TSPEAR: variants seen among roughly 807,000 people sequenced by gnomAD.
The protein encoded by TSPEAR is thrombospondin type laminin G domain and EAR repeats.
A neutral mutation model predicts 71.6 loss-of-function variants in TSPEAR; 69 were observed. The ratio of observed to expected loss-of-function variants is 0.96; its 90% CI spans 0.79 to 1.18. The LOEUF is 1.18. Ranked by LOEUF, TSPEAR falls within the 50% of genes most tolerant of loss-of-function variation. The pLI, the probability that TSPEAR is intolerant of heterozygous loss-of-function variation, is 0.00. For synonymous variants in TSPEAR, 402 were observed against 387.2 expected (o/e 1.04, Z -0.45); for missense variants, 971 against 894.9 (o/e 1.09, Z -1.09).
At chr21:44,517,076 T>G (rs975362311) in intron 9 of TSPEAR, 2 of 152,458 alleles carry the variant, frequency 1.3e-5, no homozygotes, top group African/African-American at 4.8e-5. Flanking sequence ...TGTGCTTCTG[T>G]CACTCCTTCA....
At chr21:44,697,561 T>C (rs1555950877) in intron 1 of TSPEAR, 3 of 1,613,762 alleles carry the variant, frequency 1.9e-6, no homozygotes, top group Admixed American at 3.3e-5. Context: ...CTGTGTGCTG[T>C]ATGCCCGTCT....
chr21:44,649,770 G>C (rs781957790), intron 1 of TSPEAR, among the ~76,000 whole-genome samples: 7 of 152,196 alleles, frequency 4.6e-5, no homozygotes, highest in African/African-American at 7.2e-5. Flanking sequence ...GGCTTGGGCT[G>C]TGTCCTGAAG....
In TSPEAR at chr21:44,522,112, C is replaced by T; in HGVS notation, c.1337G>A (p.Gly446Asp). The change falls in exon 9 of 12, where the codon GGC becomes GAC. Residue 446 changes from glycine (G) to aspartate (D), a missense_variant and splice_region_variant. Gly to Asp is a moderately conservative substitution (Grantham distance 94). Transcript: ENST00000323084. ...GACACTGTCGATGTTGTGGTTGTCG[C>T]CTGGAACCAAGGGACTGTGCTGGGG... Reference protein sequence around the residue: ...HFLAVANHREGDNHNIDSVIY... With the variant: ...HFLAVANHREDDNHNIDSVIY... The T allele has an allele frequency of 1.2e-6, 2 of 1,613,936 alleles. No homozygotes were observed. Among genetic ancestry groups the T allele is most frequent in the Non-Finnish European group, 1.7e-6 (2 of 1,179,946 alleles).
At position 44,634,348 on chromosome 21, in the gene TSPEAR, G is replaced by T. The variant is rs57208611; in HGVS notation, c.83-66343C>A. Among the ~76,000 whole-genome samples the T allele has an allele frequency of 8.6e-3, 1,305 of 152,228 alleles. 17 individuals carry two copies. Among genetic ancestry groups the T allele is most frequent in the African/African-American group, 0.03 (1,238 of 41,526 alleles). ...ACAAATTAACTAAAAATGGATCAAAGCCCTACATATATGAGATAAAGCCAT... is the reference window on the plus strand; with the variant it reads ...ACAAATTAACTAAAAATGGATCAAATCCCTACATATATGAGATAAAGCCAT... On this transcript the variant is annotated intron_variant, in intron 1 of 11. Coordinates refer to ENST00000323084, the MANE Select transcript of TSPEAR (RefSeq NM_144991.3).
rs781919087 is a variant in TSPEAR at position 44,521,946 on chromosome 21, G to A, written c.1503C>T (p.Thr501=). ...VVANTFNGTS[T]KVHSHLYIRL... Reference sequence around the variant, plus strand: ...GGATGTAGAGGTGCGAGTGCACCTTGGTGGAGGTGCCGTTGAAGGTGTTGG... The same window carrying A: ...GGATGTAGAGGTGCGAGTGCACCTTAGTGGAGGTGCCGTTGAAGGTGTTGG... Residue 501 remains threonine, a synonymous_variant, in exon 9 of 12, where the codon ACC becomes ACT. Coordinates refer to ENST00000323084, the MANE Select transcript of TSPEAR (RefSeq NM_144991.3). The A allele has an allele frequency of 3.1e-6, 5 of 1,614,144 alleles. No individual in the cohort carries two copies. The highest frequency in any genetic ancestry group is 4.2e-6 in the Non-Finnish European group (5 of 1,180,026).
chr21:44,514,858 C>T (rs2052509336), intron 9 of TSPEAR, among the ~76,000 whole-genome samples: 1 of 152,204 alleles, frequency 6.6e-6, no homozygotes, highest in African/African-American at 2.4e-5. Flanking sequence ...CCAGGGTGGG[C>T]AGCCAGCTCC....
At chr21:44,533,589 C>G in intron 3 of TSPEAR, 96 bp downstream of exon 3, 1 of 1,052,816 alleles carries the variant, frequency 9.5e-7, no homozygotes, top group Admixed American at 2.1e-5. Flanking sequence ...CCCAGGACAG[C>G]TCCTGCAGGT....
rs782206766 is a variant in TSPEAR at position 44,679,186 on chromosome 21, T to C, written c.82+32247A>G. On this transcript the variant is annotated intron_variant, in intron 1 of 11. Transcript: ENST00000323084. ...TTCTGTTTTAAGTCCTTATTAAATG[T>C]TTCTTTCTGAGAAACTGGATTTGTC... Among the ~76,000 whole-genome samples the C allele has an allele frequency of 1.3e-5, 2 of 152,204 alleles. 1 individual carries two copies. Among genetic ancestry groups the C allele is most frequent in the Non-Finnish European group, 2.9e-5 (2 of 68,038 alleles).
rs1316740886 is a variant in TSPEAR at position 44,593,604 on chromosome 21, T to C, written c.83-25599A>G. Among the ~76,000 whole-genome samples the C allele has an allele frequency of 1.3e-5, 2 of 151,862 alleles. No homozygotes were observed. Among genetic ancestry groups the C allele is most frequent in the Admixed American group, 1.3e-4 (2 of 15,274 alleles). On this transcript the variant is annotated intron_variant, in intron 1 of 11. Coordinates refer to ENST00000323084, the MANE Select transcript of TSPEAR (RefSeq NM_144991.3). The surrounding 1 kb of genome is among the most constrained non-coding windows in gnomAD (Gnocchi z 5.9). ...GTCAGACACGCCTCGTTACACCCCC[T>C]CCCTTTAGGGTTTCGACACAACCAC...
At chr21:44,512,138 CGCACACAGAGTGCGGAGCAGGGGCTGGG>C (rs1315564212) in intron 9 of TSPEAR, among the ~76,000 whole-genome samples, 1 of 152,196 alleles carries the variant, frequency 6.6e-6, no homozygotes, top group Non-Finnish European at 1.5e-5. Context: ...GAGGGCTGGG[CGCACACAGAGTGCGGAGCAGGGGCTGGG>C]GCGGGCCTAC....
chr21:44,627,103 A>G (rs1305335555), intron 1 of TSPEAR: 4 of 1,572,042 alleles, frequency 2.5e-6, no homozygotes, highest in Admixed American at 3.4e-5. Flanking sequence ...ACACACTCAC[A>G]AACTCACTCA....
chr21:44,703,073 T>C (rs894286497), intron 1 of TSPEAR, among the ~76,000 whole-genome samples: 4 of 151,972 alleles, frequency 2.6e-5, no homozygotes, highest in African/African-American at 9.7e-5. Context: ...TGGCCCCCCC[T>C]GCCCTTCTCC....
Position 44,542,755 on chromosome 21 carries a change from A to AG in TSPEAR, c.304-8833_304-8832insC, listed in dbSNP as rs1359641571. ...AAAGAGACCTGTTAAAAAAAAAAAA[A>AG]AAAGAAAAAGAAAAGAAAAAAGAAA... On this transcript the variant is annotated intron_variant, in intron 2 of 11. Transcript: ENST00000323084. 7.3e-5 allele frequency among the ~76,000 whole-genome samples: 11 copies of AG among 150,244 alleles called. No homozygotes were observed. In the South Asian group the frequency reaches 8.4e-4, roughly 11 times the overall value.
At chr21:44,702,158 T>G (rs1442441446) in intron 1 of TSPEAR, 1 of 1,373,842 alleles carries the variant, frequency 7.3e-7, no homozygotes, top group African/African-American at 1.4e-5. Context: ...ACTGAAGCGA[T>G]GGAGCAGAGA....
In TSPEAR at chr21:44,601,838, G is replaced by T. The variant is rs186223794; in HGVS notation, c.83-33833C>A. ...CCACATCCCGCTCCTAAGCCCTGCAGTGGACGTCAGTGGTCAGCTGGCCAT... is the reference window on the plus strand; with the variant it reads ...CCACATCCCGCTCCTAAGCCCTGCATTGGACGTCAGTGGTCAGCTGGCCAT... On this transcript the variant is annotated intron_variant, in intron 1 of 11. Coordinates refer to ENST00000323084, the MANE Select transcript of TSPEAR (RefSeq NM_144991.3). 576 of 1,438,974 alleles carry T rather than the reference G, an allele frequency of 4.0e-4. 1 individual carries two copies. The highest frequency in any genetic ancestry group is 4.6e-4 in the Non-Finnish European group (489 of 1,073,324). The allele number at this position is 1,438,974 out of a possible 1,614,324, so 89.1% of individuals were successfully genotyped here. A position where few individuals can be genotyped will look rare whatever the true frequency, so the allele number is the denominator to read the frequency against.
rs146197039 is a variant in TSPEAR at position 44,691,319 on chromosome 21, G to A, written c.82+20114C>T. Among the ~76,000 whole-genome samples, 20 of 152,184 alleles carry A rather than the reference G, an allele frequency of 1.3e-4. No homozygotes were observed. In the East Asian group the frequency reaches 3.5e-3, roughly 26 times the overall value. The stretch of plus-strand genomic sequence containing the variant: ...ACCCCTATGTCTCTAACGTATAACT[G>A]TTAACAACATATGTTGTATCAGCCA... On this transcript the variant is annotated intron_variant, in intron 1 of 11. Transcript: ENST00000323084.
chr21:44,586,660 A>G (rs1979359322), intron 1 of TSPEAR, among the ~76,000 whole-genome samples: 2 of 118,738 alleles, frequency 1.7e-5, no homozygotes, highest in Admixed American at 9.4e-5. Flanking sequence ...CTACTCATCT[A>G]CTTTCTTTCT....
At chr21:44,500,495 G>C (rs868910884) in intron 11 of TSPEAR, among the ~76,000 whole-genome samples, 1 of 152,272 alleles carries the variant, frequency 6.6e-6, no homozygotes, top group Non-Finnish European at 1.5e-5. Context: ...CCAAGGCAGG[G>C]CGCCGACATC....
At chr21:44,574,511 C>T (rs200279142) in intron 1 of TSPEAR, 4 of 1,612,520 alleles carry the variant, frequency 2.5e-6, no homozygotes, top group South Asian at 1.1e-5. Flanking sequence ...CTTCATGCTG[C>T]CAGCAGTCTA....
Sources: allele counts gnomAD v4.1 joint callset (sites outside exome capture counted in the v4.1 genomes callset), GRCh38; gene constraint gnomAD v4.1.1; non-coding constraint Gnocchi (gnomAD v3.1); transcripts MANE v1.5; gene names NCBI Gene and HGNC (gene_info 2026-07-23, HGNC 2026-07-21).